Variants in CTIF observed in about 807,000 individuals in gnomAD.
CTIF encodes cap binding complex dependent translation initiation factor, also known as CBP80/20-dependent translation initiation factor.
A neutral mutation model predicts 66.0 loss-of-function variants in CTIF; 21 were observed. That is an observed-to-expected ratio of 0.32 (90% confidence interval 0.23 to 0.46). The LOEUF (loss-of-function observed/expected upper bound fraction) is 0.46. Among genes scored for constraint, CTIF ranks in the 20% least tolerant of loss-of-function variants. The probability of loss-of-function intolerance (pLI) is 1.00; values close to 1 mark genes in which losing one functional copy is unlikely to be tolerated. For missense variants in CTIF, 739 were observed against 812.7 expected (o/e 0.91, Z 1.10); for synonymous variants, 345 against 326.4 (o/e 1.06, Z -0.62).
At chr18:48,827,275 C>T (rs1199127912) in intron 10 of CTIF, among the ~76,000 whole-genome samples, 1 of 152,200 alleles carries the variant, frequency 6.6e-6, no homozygotes, top group African/African-American at 2.4e-5. Context: ...GGAAAGTCTC[C>T]TGGACACATT....
intron 3 of CTIF, among the ~76,000 whole-genome samples, chr18:48,639,431 G>T (rs545284138): frequency 6.6e-6 from 1 of 152,148 alleles, no homozygotes; most frequent in Non-Finnish European, 1.5e-5. Context: ...ATGAGATGGG[G>T]CCCAGGGGGC....
intron 6 of CTIF, among the ~76,000 whole-genome samples, chr18:48,676,912 G>A (rs1458628434): frequency 6.6e-6 from 1 of 152,028 alleles, no homozygotes; most frequent in African/African-American, 2.4e-5. Context: ...CCTCACTCCT[G>A]GAGGAGTGAA....
At position 48,780,320 on chromosome 18, in the gene CTIF, A is replaced by T. The variant is rs12455125; in HGVS notation, c.1371+18631A>T. On this transcript the variant is annotated intron_variant, in intron 9 of 11. Transcript: ENST00000256413. ...AAGCTTTCCTCAGCACACAGCCCAG[A>T]GTGCTACCCGGAGAAAGAGCCACCT... 3.3e-5 allele frequency among the ~76,000 whole-genome samples: 5 copies of T among 152,184 alleles called. No individual in the cohort carries two copies. In the East Asian group the frequency reaches 9.7e-4, roughly 29 times the overall value.
In CTIF at chr18:48,857,494, T is replaced by A. The variant is rs145481320; in HGVS notation, c.1528-94T>A. The A allele has an allele frequency of 7.8e-5, 87 of 1,109,772 alleles. No homozygotes were observed. In the Admixed American group the frequency reaches 1.9e-3, roughly 25 times the overall value. The allele number at this position is 1,109,772 out of a possible 1,614,324, so 68.7% of individuals were successfully genotyped here. A position where few individuals can be genotyped will look rare whatever the true frequency, so the allele number is the denominator to read the frequency against. ...TGTTTGTTACAGGCCGCATCAGGGC[T>A]GGGGCTGCAGGTCGGCGGGGGCTGC... is the stretch of plus-strand genomic sequence containing the variant. On this transcript the variant is annotated intron_variant, in intron 10 of 11. Transcript: ENST00000256413.
chr18:48,796,922 A>G (rs145501289), intron 9 of CTIF, among the ~76,000 whole-genome samples: 3 of 152,234 alleles, frequency 2.0e-5, no homozygotes, highest in East Asian at 1.9e-4. Context: ...ACCATCCTTT[A>G]TAGAGCTCAG....
At chr18:48,618,424 G>C (rs1598747349) in intron 1 of CTIF, among the ~76,000 whole-genome samples, 1 of 152,192 alleles carries the variant, frequency 6.6e-6, no homozygotes, top group African/African-American at 2.4e-5. Context: ...AAAAGCATGT[G>C]CAGACTCTGT....
Position 48,713,448 on chromosome 18 carries a change from G to A in CTIF, c.584+1753G>A, listed in dbSNP as rs373407297. Among the ~76,000 whole-genome samples the A allele has an allele frequency of 5.1e-4, 78 of 152,230 alleles. No individual in the cohort carries two copies. In the South Asian group the frequency reaches 0.016, roughly 30 times the overall value. ...AGACCCTGGACAGTGGCAGGCCTCC[G>A]GAAAGCAGCAGCGTGACCCAGGGAT... On this transcript the variant is annotated intron_variant, in intron 7 of 11. Coordinates refer to ENST00000256413, the MANE Select transcript of CTIF (RefSeq NM_014772.3).
At chr18:48,850,035 G>T (rs1264291470) in intron 10 of CTIF, among the ~76,000 whole-genome samples, 7 of 152,120 alleles carry the variant, frequency 4.6e-5, no homozygotes, top group Admixed American at 4.6e-4. Context: ...CCTCTTCCCA[G>T]TTCCTGGCAC....
intron 1 of CTIF, among the ~76,000 whole-genome samples, chr18:48,570,756 GA>G (rs1255517544): frequency 2.0e-5 from 3 of 152,178 alleles, no homozygotes; most frequent in Non-Finnish European, 2.9e-5. Flanking sequence ...GGAGGTGAGA[GA>G]GTGAGTGCAG....
chr18:48,681,449 T>C (rs893977009), intron 6 of CTIF, among the ~76,000 whole-genome samples: 2 of 152,182 alleles, frequency 1.3e-5, no homozygotes, highest in Non-Finnish European at 2.9e-5. Context: ...CCTTTCCCCA[T>C]TGACTCGTAG....
At chr18:48,682,308 C>T (rs938595706) in intron 6 of CTIF, among the ~76,000 whole-genome samples, 4 of 152,178 alleles carry the variant, frequency 2.6e-5, no homozygotes, top group Admixed American at 6.5e-5. Context: ...GAGCCAAAAG[C>T]GTATCTTATT....
At chr18:48,703,694 A>G (rs2092113774) in intron 6 of CTIF, among the ~76,000 whole-genome samples, 1 of 152,172 alleles carries the variant, frequency 6.6e-6, no homozygotes, top group South Asian at 2.1e-4. Flanking sequence ...AGTGCAGGCC[A>G]TGGAATTGAG....
intron 8 of CTIF, 51 bp downstream of exon 8, chr18:48,758,456 G>A: frequency 6.5e-7 from 1 of 1,545,822 alleles, no homozygotes; most frequent in Non-Finnish European, 8.7e-7. Context: ...AGGACAGCAA[G>A]AGGTAGGCAC....
intron 6 of CTIF, among the ~76,000 whole-genome samples, chr18:48,702,936 G>GACC (rs1019806823): frequency 1.3e-5 from 2 of 151,896 alleles, no homozygotes; most frequent in Non-Finnish European, 2.9e-5. Flanking sequence ...GAAAAACCAT[G>GACC]ACCCCCAGCA....
intron 6 of CTIF, 67 bp downstream of exon 6, chr18:48,670,811 C>G (rs1224552775): frequency 2.2e-6 from 3 of 1,367,004 alleles, no homozygotes; most frequent in Admixed American, 1.7e-5. Context: ...TCTTCCTGGA[C>G]AGGACCTAAC....
At chr18:48,639,666 G>T (rs143333586) in intron 3 of CTIF, among the ~76,000 whole-genome samples, 1 of 152,220 alleles carries the variant, frequency 6.6e-6, no homozygotes, top group African/African-American at 2.4e-5. Flanking sequence ...ACAAACAACA[G>T]GGTGGCATAA....
chr18:48,715,075 G>T (rs1027484582), intron 7 of CTIF, among the ~76,000 whole-genome samples: 2 of 152,134 alleles, frequency 1.3e-5, no homozygotes, highest in African/African-American at 4.8e-5. Context: ...GGGGCGGGCC[G>T]CTAGGATCAA....
At chr18:48,816,131 C>T (rs1338825061) in intron 9 of CTIF, among the ~76,000 whole-genome samples, 2 of 152,166 alleles carry the variant, frequency 1.3e-5, no homozygotes, top group African/African-American at 2.4e-5. Context: ...GAGGCCCTGT[C>T]GCATATGTTG....
At chr18:48,796,257 T>C (rs1216736082) in intron 9 of CTIF, among the ~76,000 whole-genome samples, 1 of 151,850 alleles carries the variant, frequency 6.6e-6, no homozygotes, top group Admixed American at 6.6e-5. Context: ...CACCGCAAGC[T>C]CCACCTCCCG....
Sources: gnomAD v4.1 joint callset for allele counts (sites outside exome capture counted in the v4.1 genomes callset) on GRCh38, gnomAD v4.1.1 for gene constraint, MANE v1.5 for transcripts, NCBI Gene and HGNC (gene_info 2026-07-23, HGNC 2026-07-21) for gene names.